Variants in USP12 observed in about 807,000 individuals in gnomAD.
The protein encoded by USP12 is ubiquitin specific peptidase 12.
Under a neutral mutation model 45.5 loss-of-function variants are expected in USP12, and 19 were observed. The ratio of observed to expected loss-of-function variants is 0.42; its 90% CI spans 0.29 to 0.61. The LOEUF (loss-of-function observed/expected upper bound fraction) is 0.61. Among genes scored for constraint, USP12 ranks in the 20% least tolerant of loss-of-function variants. The pLI, the probability that USP12 is intolerant of heterozygous loss-of-function variation, is 0.22. For missense variants in USP12, 242 were observed against 447.7 expected, an observed-to-expected ratio of 0.54 and a Z score of 4.15; for synonymous variants, 149 against 148.8, an observed-to-expected ratio of 1.00 and a Z score of -0.01.
At chr13:27,139,376 A>T (rs1275228949) in intron 1 of USP12, among the ~76,000 whole-genome samples, 2 of 152,120 alleles carry the variant, frequency 1.3e-5, no homozygotes, top group East Asian at 3.9e-4. Context: ...AGCACTTTGG[A>T]AGGCGGAGGC....
intron 1 of USP12, among the ~76,000 whole-genome samples, chr13:27,160,495 T>TAA (rs540739773): frequency 6.9e-5 from 10 of 145,196 alleles, no homozygotes; most frequent in South Asian, 2.2e-4. Flanking sequence ...GAACTGTCTT[T>TAA]AAAAAAAAAA....
chr13:27,112,033 C>T (rs1312468111), intron 2 of USP12, among the ~76,000 whole-genome samples: 4 of 152,092 alleles, frequency 2.6e-5, no homozygotes, highest in African/African-American at 9.7e-5. Context: ...AGTTTGAATA[C>T]ATTTAGGAAA....
chr13:27,067,064 C>T lies in USP12; in HGVS notation c.*2219G>A, dbSNP rs945116142. The T allele has an allele frequency of 6.6e-6, 1 of 150,884 alleles. No homozygotes were observed. Among genetic ancestry groups the T allele is most frequent in the Non-Finnish European group, 1.5e-5 (1 of 67,600 alleles). 9.3% of individuals were successfully genotyped at this position (150,884 alleles called of 1,614,324 possible). A position where few individuals can be genotyped will look rare whatever the true frequency, so the allele number is the denominator to read the frequency against. Reference sequence around the variant, plus strand: ...TAGATGTGAACAAGTATGTGATTACCAGGAACTCAACACATACACTAGAAC... The same window carrying T: ...TAGATGTGAACAAGTATGTGATTACTAGGAACTCAACACATACACTAGAAC... On this transcript the variant is annotated 3_prime_UTR_variant, in exon 9 of 9. Coordinates refer to ENST00000282344, the MANE Select transcript of USP12 (RefSeq NM_182488.4).
At chr13:27,158,113 T>C (rs1443597173) in intron 1 of USP12, among the ~76,000 whole-genome samples, 2 of 152,204 alleles carry the variant, frequency 1.3e-5, no homozygotes, top group African/African-American at 2.4e-5. Flanking sequence ...ATAGGGTCTT[T>C]ACAGAAGTAA....
chr13:27,143,036 T>C (rs147383470), intron 1 of USP12, among the ~76,000 whole-genome samples: 2,301 of 149,594 alleles, frequency 0.015, 70 homozygotes, highest in African/African-American at 0.054. Flanking sequence ...GAGGTTGCAG[T>C]GAGCCAAGAT....
intron 1 of USP12, among the ~76,000 whole-genome samples, chr13:27,162,662 A>G (rs1199072151): frequency 6.6e-6 from 1 of 152,154 alleles, no homozygotes; most frequent in Non-Finnish European, 1.5e-5. Flanking sequence ...TGTTAAAGAG[A>G]TTGCCCTTTC....
chr13:27,081,459 C>T (rs1873754620), intron 6 of USP12, among the ~76,000 whole-genome samples: 1 of 152,190 alleles, frequency 6.6e-6, no homozygotes, highest in African/African-American at 2.4e-5. Flanking sequence ...AATTCTTGTT[C>T]TCTTGCTGTT....
chr13:27,077,334 T>TA (rs1446547647), intron 6 of USP12: 6 of 152,268 alleles, frequency 3.9e-5, no homozygotes, highest in African/African-American at 1.2e-4. Context: ...TTTCTGAGCA[T>TA]AAAATGAGTG....
At chr13:27,118,896 A>G (rs1875862997) in intron 1 of USP12, among the ~76,000 whole-genome samples, 1 of 152,178 alleles carries the variant, frequency 6.6e-6, no homozygotes, top group Non-Finnish European at 1.5e-5. Flanking sequence ...CTGTCACCAT[A>G]TGTACCACAT....
At chr13:27,165,055 C>T (rs959951018) in intron 1 of USP12, among the ~76,000 whole-genome samples, 3 of 145,486 alleles carry the variant, frequency 2.1e-5, no homozygotes, top group Non-Finnish European at 4.5e-5. Context: ...AGCTGGTGTG[C>T]TTTTTTTTTT....
chr13:27,073,287 C>G (rs1206839820), intron 7 of USP12, among the ~76,000 whole-genome samples: 2 of 152,180 alleles, frequency 1.3e-5, no homozygotes, highest in Non-Finnish European at 2.9e-5. Context: ...GGCAGACCAC[C>G]AGGGCTGTGA....
intron 8 of USP12, 111 bp from the exon 9 acceptor site, chr13:27,069,495 G>A (rs1219634047): frequency 2.4e-6 from 2 of 826,738 alleles, no homozygotes; most frequent in Non-Finnish European, 4.0e-6. Flanking sequence ...TGGGGAAAAT[G>A]GAACTCTCAC....
chr13:27,106,648 G>C (rs1875152266), intron 2 of USP12, among the ~76,000 whole-genome samples: 1 of 151,972 alleles, frequency 6.6e-6, no homozygotes, highest in South Asian at 2.1e-4. Flanking sequence ...AAAAAGGCTA[G>C]GCAGAGAAAA....
rs576810024 is a variant in USP12 at position 27,070,551 on chromosome 13, T to C, written c.1011+520A>G. On this transcript the variant is annotated intron_variant, in intron 8 of 8. Transcript: ENST00000282344. ...TCTGTTGTTGAAAGCTTTCCCTTGT[T>C]TTATTCTTTTTTTTTTTTTTGAGAC... Among the ~76,000 whole-genome samples, 22 of 151,794 alleles carry C rather than the reference T, an allele frequency of 1.4e-4. No individual in the cohort carries two copies. The South Asian group carries it at 4.6e-3, about 32-fold the overall frequency.
intron 1 of USP12, among the ~76,000 whole-genome samples, chr13:27,144,197 T>C (rs1319897709): frequency 6.7e-6 from 1 of 149,702 alleles, no homozygotes. Context: ...AGACTCTGAC[T>C]CCCAAAAAAA....
At chr13:27,096,526 T>C (rs1038750815) in intron 3 of USP12, among the ~76,000 whole-genome samples, 1 of 152,216 alleles carries the variant, frequency 6.6e-6, no homozygotes, top group African/African-American at 2.4e-5. Flanking sequence ...TGCTTGGCAA[T>C]ATACAACTCT....
At chr13:27,159,507 C>G (rs1878006508) in intron 1 of USP12, among the ~76,000 whole-genome samples, 1 of 152,190 alleles carries the variant, frequency 6.6e-6, no homozygotes, top group Non-Finnish European at 1.5e-5. Context: ...TTCAATCCAG[C>G]CTTCTCTATC....
intron 3 of USP12, among the ~76,000 whole-genome samples, chr13:27,096,291 G>T (rs1874579297): frequency 6.6e-6 from 1 of 152,182 alleles, no homozygotes; most frequent in South Asian, 2.1e-4. Flanking sequence ...AGTTGATAAG[G>T]GGTAAGCCCA....
chr13:27,087,722 C>T (rs1392605743), intron 6 of USP12, among the ~76,000 whole-genome samples: 1 of 152,142 alleles, frequency 6.6e-6, no homozygotes, highest in African/African-American at 2.4e-5. Context: ...CAAAATGAGC[C>T]TGAACAGCTT....
Sources: gnomAD v4.1 joint callset for allele counts (sites outside exome capture counted in the v4.1 genomes callset) on GRCh38, gnomAD v4.1.1 for gene constraint, MANE v1.5 for transcripts, NCBI Gene and HGNC (gene_info 2026-07-23, HGNC 2026-07-21) for gene names.